The following TAF10 variants were observed in gnomAD, a reference collection of about 807,000 sequenced individuals.
TAF10 encodes the protein transcription initiation factor TFIID subunit 10.
Under a neutral mutation model 18.1 loss-of-function variants are expected in TAF10, and 2 were observed. That is an observed-to-expected ratio of 0.11 (90% CI 0.05 to 0.35). The LOEUF (loss-of-function observed/expected upper bound fraction) is 0.35. Ranked by LOEUF, TAF10 falls within the 10% of genes least tolerant of loss-of-function variation. The probability of loss-of-function intolerance (pLI) is 1.00; values close to 1 mark genes in which losing one functional copy is unlikely to be tolerated. For synonymous variants in TAF10, 158 were observed against 134.6 expected (o/e 1.17, Z -1.20); for missense variants, 293 against 306.9 (o/e 0.95, Z 0.34).
rs1855145428 is a variant in TAF10 at position 6,608,275 on chromosome 11, G to T, written c.*2647C>A. 6.3e-7 allele frequency: 1 copy of T among 1,588,664 alleles called. No homozygotes were observed. The highest frequency in any genetic ancestry group is 8.6e-7 in the Non-Finnish European group (1 of 1,156,924). ...GCCATGAGGGTCAGTCACAGGCACTGTAACATACAGTAGAAAGCATGTGTG... is the reference window on the plus strand; with the variant it reads ...GCCATGAGGGTCAGTCACAGGCACTTTAACATACAGTAGAAAGCATGTGTG... On this transcript the variant is annotated 3_prime_UTR_variant, in exon 5 of 5. Transcript: ENST00000299424. This position sits in a 1 kb window ranked among gnomAD's most constrained non-coding sequence, Gnocchi z 4.9.
At position 6,609,302 on chromosome 11, in the gene TAF10, T is replaced by C; in HGVS notation, c.*1620A>G. Reference sequence around the variant, plus strand: ...CTAACCCCTACCTGTCCTGCAGCTATGGAAGGGCCGCTGGCAGGGCAATGA... The same window carrying C: ...CTAACCCCTACCTGTCCTGCAGCTACGGAAGGGCCGCTGGCAGGGCAATGA... On this transcript the variant is annotated 3_prime_UTR_variant, in exon 5 of 5. Coordinates refer to ENST00000299424, the MANE Select transcript of TAF10 (RefSeq NM_006284.4). The C allele has an allele frequency of 6.2e-7, 1 of 1,613,878 alleles. No individual in the cohort carries two copies.
chr11:6,611,517 G>T, intron 2 of TAF10, 65 bp from the exon 3 acceptor site: 1 of 1,603,984 alleles, frequency 6.2e-7, no homozygotes, highest in South Asian at 1.1e-5. Flanking sequence ...GGATAGGCCT[G>T]ATTATCAGGA....
chr11:6,609,653 T>C lies in TAF10; in HGVS notation c.*1269A>G, dbSNP rs1855301341. On this transcript the variant is annotated 3_prime_UTR_variant, in exon 5 of 5. Coordinates refer to ENST00000299424, the MANE Select transcript of TAF10 (RefSeq NM_006284.4). ...ATGAAGGCACCAGTGAGTAGGGATG[T>C]TGAATTTCCTTGGGGAGGAAATGGC... 1 of 1,614,054 alleles carries C rather than the reference T, an allele frequency of 6.2e-7. No individual in the cohort carries two copies. Among genetic ancestry groups the C allele is most frequent in the Non-Finnish European group, 8.5e-7 (1 of 1,180,026 alleles).
rs1855429635 is a variant in TAF10 at position 6,610,854 on chromosome 11, A to G, written c.*68T>C. ...AGGGATCAGCCCCGCCTGTCACAAT[A>G]AAGTTTATTATGAAAACAGGCTGGT... On this transcript the variant is annotated 3_prime_UTR_variant, in exon 5 of 5. Transcript: ENST00000299424. The G allele has an allele frequency of 1.3e-6, 2 of 1,571,474 alleles. No homozygotes were observed. The highest frequency in any genetic ancestry group is 3.3e-5 in the Admixed American group (2 of 59,806).
At position 6,609,237 on chromosome 11, in the gene TAF10, A is replaced by C. The variant is rs1564847276; in HGVS notation, c.*1685T>G. On this transcript the variant is annotated 3_prime_UTR_variant, in exon 5 of 5. Transcript: ENST00000299424. ...TGTACCTGTTTTAAGTTTTTCCTCC[A>C]GTTAGTGGGCAAGGAAGTGGCAGCA... The C allele has an allele frequency of 1.2e-6, 2 of 1,602,188 alleles. No homozygotes were observed. Among genetic ancestry groups the C allele is most frequent in the Non-Finnish European group, 1.7e-6 (2 of 1,169,404 alleles).
In TAF10 at chr11:6,611,388, A is replaced by G; in HGVS notation, c.452T>C (p.Ile151Thr). The G allele has an allele frequency of 6.2e-7, 1 of 1,614,178 alleles. No homozygotes were observed. Among genetic ancestry groups the G allele is most frequent in the Non-Finnish European group, 8.5e-7 (1 of 1,180,022 alleles). The change falls in exon 3 of 5, where the codon ATA (isoleucine) becomes ACA (threonine). Residue 151 changes from isoleucine (I) to threonine (T), a missense_variant and splice_region_variant. By Grantham distance (89) the Ile-to-Thr change is moderately conservative (BLOSUM62 -1). Coordinates refer to ENST00000299424, the MANE Select transcript of TAF10 (RefSeq NM_006284.4). The stretch of plus-strand genomic sequence containing the variant: ...ACTAACCTGCCCTGGGTTTACTCAC[A>G]TGCGTGGGTCTGAGGCCTCAAAGCC... ...RAGFEASDPRIIRLISLAAQK... is the reference protein window; with the variant it reads ...RAGFEASDPRTIRLISLAAQK...
At position 6,606,711 on chromosome 11, in the gene TAF10, AT is replaced by A. The variant is rs1041971341; in HGVS notation, c.*4210del. 3 of 152,220 alleles carry A rather than the reference AT, an allele frequency of 2.0e-5. No homozygotes were observed. The highest frequency in any genetic ancestry group is 7.2e-5 in the African/African-American group (3 of 41,432). 9.4% of individuals were successfully genotyped at this position (152,220 alleles called of 1,614,324 possible). A position where few individuals can be genotyped will look rare whatever the true frequency, so the allele number is the denominator to read the frequency against. On this transcript the variant is annotated 3_prime_UTR_variant, in exon 5 of 5. Transcript: ENST00000299424. Reference sequence around the variant, plus strand: ...TATGCTGGATATGAAGAGGGGGTTAATTCCTTGCAGGTCTTCTTGAGATAGA... The same window carrying A: ...TATGCTGGATATGAAGAGGGGGTTAATCCTTGCAGGTCTTCTTGAGATAGA...
Position 6,611,666 on chromosome 11 carries a change from T to A in TAF10, c.385A>T (p.Thr129Ser), listed in dbSNP as rs1436257279. The A allele has an allele frequency of 6.3e-7, 1 of 1,586,436 alleles. No homozygotes were observed. Among genetic ancestry groups the A allele is most frequent in the Non-Finnish European group, 8.6e-7 (1 of 1,164,996 alleles). ...GCCTTGTTCGGGCGGAAGCCCACCG[T>A]AGGCGTGTAATCTTCCAGCTGCATC... ...FLMQLEDYTP[T>S]IPDAVTGYYL... The change falls in exon 2 of 5, where the codon ACG becomes TCG. Residue 129 changes from threonine (T) to serine (S), a missense_variant and splice_region_variant. Coordinates refer to ENST00000299424, the MANE Select transcript of TAF10 (RefSeq NM_006284.4).
rs1327210641 is a variant in TAF10 at position 6,609,942 on chromosome 11, G to A, written c.*980C>T. 2 of 1,614,128 alleles carry A rather than the reference G, an allele frequency of 1.2e-6. No individual in the cohort carries two copies. Among genetic ancestry groups the A allele is most frequent in the South Asian group, 1.1e-5 (1 of 91,090 alleles). ...TCTGTTTTCTCTTCCTCAGATTGAT[G>A]AGGACATGACTGCCCGAATTAGCAT... is the stretch of plus-strand genomic sequence containing the variant. On this transcript the variant is annotated 3_prime_UTR_variant, in exon 5 of 5. Transcript: ENST00000299424.
chr11:6,610,178 G>C lies in TAF10; in HGVS notation c.*744C>G. On this transcript the variant is annotated 3_prime_UTR_variant, in exon 5 of 5. Transcript: ENST00000299424. ...CAGAAGAAGCCTGAAGACACAAACA[G>C]ACGCTCAGCAGACATGTGGAGTTTT... The C allele has an allele frequency of 3.1e-6, 5 of 1,614,244 alleles. No individual in the cohort carries two copies. Among genetic ancestry groups the C allele is most frequent in the East Asian group, 4.5e-5 (2 of 44,890 alleles).
chr11:6,611,616 G>GA, intron 2 of TAF10, 48 bp downstream of exon 2: 1 of 1,580,074 alleles, frequency 6.3e-7, no homozygotes, highest in Non-Finnish European at 8.6e-7. Context: ...CGATGTGGCT[G>GA]AAAGTTTTGA....
rs1250668110 is a variant in TAF10, at chr11:6,607,083, G to GA, written c.*3838dup. 1 of 152,392 alleles carries GA rather than the reference G, an allele frequency of 6.6e-6. No homozygotes were observed. The highest frequency in any genetic ancestry group is 2.4e-5 in the African/African-American group (1 of 41,428). The allele number at this position is 152,392 out of a possible 1,614,324, so 9.4% of individuals were successfully genotyped here. On this transcript the variant is annotated 3_prime_UTR_variant, in exon 5 of 5. Transcript: ENST00000299424. ...CCTGATCAGCTCCAGGCCTTGCCTA[G>GA]AGTCGCACACAGGAAGTGACCACAA...
In TAF10 at chr11:6,609,229, T is replaced by A; in HGVS notation, c.*1693A>T. ...ACTTGCTTTGTACCTGTTTTAAGTT[T>A]TTCCTCCAGTTAGTGGGCAAGGAAG... On this transcript the variant is annotated 3_prime_UTR_variant, in exon 5 of 5. Coordinates refer to ENST00000299424, the MANE Select transcript of TAF10 (RefSeq NM_006284.4). 1 of 1,602,852 alleles carries A rather than the reference T, an allele frequency of 6.2e-7. No individual in the cohort carries two copies. The highest frequency in any genetic ancestry group is 8.5e-7 in the Non-Finnish European group (1 of 1,169,904).
chr11:6,609,213 G>A lies in TAF10; in HGVS notation c.*1709C>T, dbSNP rs1366094501. The A allele has an allele frequency of 3.7e-6, 6 of 1,601,378 alleles. No homozygotes were observed. Among genetic ancestry groups the A allele is most frequent in the Non-Finnish European group, 4.3e-6 (5 of 1,168,654 alleles). On this transcript the variant is annotated 3_prime_UTR_variant, in exon 5 of 5. Transcript: ENST00000299424. The stretch of plus-strand genomic sequence containing the variant: ...TAAACCCCCATAAATTACTTGCTTT[G>A]TACCTGTTTTAAGTTTTTCCTCCAG...
rs894146530 is a variant in TAF10 at position 6,608,247 on chromosome 11, C to T, written c.*2675G>A. On this transcript the variant is annotated 3_prime_UTR_variant, in exon 5 of 5. Coordinates refer to ENST00000299424, the MANE Select transcript of TAF10 (RefSeq NM_006284.4). This position sits in a 1 kb window ranked among gnomAD's most constrained non-coding sequence, Gnocchi z 4.9. ...ACTCCTTCGTCATCCACATCACATA[C>T]ATGCCATGAGGGTCAGTCACAGGCA... 3 of 1,610,436 alleles carry T rather than the reference C, an allele frequency of 1.9e-6. No homozygotes were observed. Among genetic ancestry groups the T allele is most frequent in the African/African-American group, 2.7e-5 (2 of 74,856 alleles).
In TAF10 at chr11:6,610,744, C is replaced by T. The variant is rs879200127; in HGVS notation, c.*178G>A. On this transcript the variant is annotated 3_prime_UTR_variant, in exon 5 of 5. Coordinates refer to ENST00000299424, the MANE Select transcript of TAF10 (RefSeq NM_006284.4). Reference sequence around the variant, plus strand: ...TACTACCCCAGCCATGGGGTCCATCCCCTTCCCCCATCCCTACCACTGTGG... The same window carrying T: ...TACTACCCCAGCCATGGGGTCCATCTCCTTCCCCCATCCCTACCACTGTGG... 1.5e-6 allele frequency: 2 copies of T among 1,349,172 alleles called. No individual in the cohort carries two copies. The highest frequency in any genetic ancestry group is 2.4e-5 in the South Asian group (2 of 82,562). The allele number at this position is 1,349,172 out of a possible 1,614,324, so 83.6% of individuals were successfully genotyped here.
At position 6,611,391 on chromosome 11, in the gene TAF10, C is replaced by A. The variant is rs1855455797; in HGVS notation, c.449G>T (p.Arg150Leu). Residue 150 changes from arginine (R) to leucine (L), a missense_variant, in exon 3 of 5, where the codon CGC (arginine) becomes CTC (leucine). Transcript: ENST00000299424. The stretch of plus-strand genomic sequence containing the variant: ...AACCTGCCCTGGGTTTACTCACATG[C>A]GTGGGTCTGAGGCCTCAAAGCCAGC... ...NRAGFEASDP[R>L]IIRLISLAAQ... is the part of the protein sequence containing the mutation. 1.2e-6 allele frequency: 2 copies of A among 1,614,164 alleles called. No individual in the cohort carries two copies. The highest frequency in any genetic ancestry group is 1.7e-6 in the Non-Finnish European group (2 of 1,180,028).
Position 6,608,168 on chromosome 11 carries a change from T to C in TAF10, c.*2754A>G, listed in dbSNP as rs940177401. The C allele has an allele frequency of 1.2e-6, 2 of 1,614,030 alleles. No homozygotes were observed. Among genetic ancestry groups the C allele is most frequent in the Non-Finnish European group, 1.7e-6 (2 of 1,180,034 alleles). On this transcript the variant is annotated 3_prime_UTR_variant, in exon 5 of 5. Coordinates refer to ENST00000299424, the MANE Select transcript of TAF10 (RefSeq NM_006284.4). This position sits in a 1 kb window ranked among gnomAD's most constrained non-coding sequence, Gnocchi z 4.9. ...ATGAACCGTGGGGATGACACCCCCC[T>C]GCATCTGGCAGCCAGTCATGGACAC...
chr11:6,609,719 C>T lies in TAF10; in HGVS notation c.*1203G>A. The T allele has an allele frequency of 6.2e-7, 1 of 1,614,190 alleles. No individual in the cohort carries two copies. The highest frequency in any genetic ancestry group is 1.1e-5 in the South Asian group (1 of 91,084). On this transcript the variant is annotated 3_prime_UTR_variant, in exon 5 of 5. Transcript: ENST00000299424. The stretch of plus-strand genomic sequence containing the variant: ...CTGAACTATTTGACTTTTGCCTCCT[C>T]TCAGATTTCGTCGTGGACCAGAGCC...
Sources: allele counts gnomAD v4.1 joint callset, GRCh38; gene constraint gnomAD v4.1.1; non-coding constraint Gnocchi (gnomAD v3.1); transcripts MANE v1.5; gene names NCBI Gene and HGNC (gene_info 2026-07-23, HGNC 2026-07-21).